The following ASL variants were observed in gnomAD, a reference collection of about 807,000 sequenced individuals.
The protein encoded by ASL is argininosuccinase.
In ASL, 51 loss-of-function variants were observed where a neutral mutation model predicts 69.1. The ratio of observed to expected loss-of-function variants is 0.74; its 90% CI spans 0.59 to 0.93. ASL has a LOEUF of 0.93. Among genes scored for constraint, ASL ranks in the 40% least tolerant of loss-of-function variants. The pLI, the probability that ASL is intolerant of heterozygous loss-of-function variation, is 0.00. For missense variants in ASL, 540 were observed against 623.9 expected, an observed-to-expected ratio of 0.87 and a Z score of 1.43; for synonymous variants, 241 against 247.6, an observed-to-expected ratio of 0.97 and a Z score of 0.25.
intron 14 of ASL, 42 bp downstream of exon 14, chr7:66,089,737 G>A (rs773523963): frequency 5.6e-6 from 9 of 1,600,042 alleles, no homozygotes; most frequent in Non-Finnish European, 7.7e-6. Flanking sequence ...TAGGTCCCAG[G>A]CACTGGGGTG....
Position 66,092,583 on chromosome 7 carries a change from C to A in ASL, c.1170C>A (p.Ala390=), listed in dbSNP as rs747116101. 8 of 1,611,662 alleles carry A rather than the reference C, an allele frequency of 5.0e-6. No individual in the cohort carries two copies. The South Asian group carries it at 8.8e-5, about 18-fold the overall frequency. ...TGCCATTCCGCCAGGCCCACGAGGC[C>A]TCCGGGAAAGCTGTGTTCATGGCCG... is the stretch of plus-strand genomic sequence containing the variant. ...KGMPFRQAHE[A]SGKAVFMAET... is the part of the protein sequence containing the mutation. The change falls in exon 16 of 17, where the codon GCC becomes GCA. Residue 390 remains alanine, a synonymous_variant. Coordinates refer to ENST00000304874, the MANE Select transcript of ASL (RefSeq NM_000048.4).
rs746354859 is a variant in ASL, at chr7:66,089,271, C to G, written c.919-5C>G. On this transcript the variant is annotated splice_polypyrimidine_tract_variant and splice_region_variant and intron_variant, in intron 12 of 16. Coordinates refer to ENST00000304874, the MANE Select transcript of ASL (RefSeq NM_000048.4). ...TCCAGCCCCTGTGCCTCCCTCTTCC[C>G]GCAGTGTGCCGGGCTCCTGATGACC... The G allele has an allele frequency of 9.9e-6, 16 of 1,610,460 alleles. No individual in the cohort carries two copies. In the South Asian group the frequency reaches 1.8e-4, roughly 18 times the overall value.
intron 2 of ASL, among the ~76,000 whole-genome samples, chr7:66,079,150 C>T (rs1786432808): frequency 6.6e-6 from 1 of 152,100 alleles, no homozygotes; most frequent in African/African-American, 2.4e-5. Flanking sequence ...ATCTCCTGAC[C>T]TCGTGATCTG....
At chr7:66,076,178 G>C in intron 2 of ASL, 85 bp downstream of exon 2, 1 of 1,523,856 alleles carries the variant, frequency 6.6e-7, no homozygotes. Flanking sequence ...CCACCCTGCT[G>C]GGAATCGCCC....
intron 6 of ASL, among the ~76,000 whole-genome samples, chr7:66,084,322 G>T (rs974737655): frequency 6.6e-6 from 1 of 151,692 alleles, no homozygotes; most frequent in African/African-American, 2.4e-5. Context: ...ACCATGTCCA[G>T]CTAATTTTTG....
At position 66,081,188 on chromosome 7, in the gene ASL, CA is replaced by C. The variant is rs544022304; in HGVS notation, c.13-614del. Among the ~76,000 whole-genome samples, 146 of 152,304 alleles carry C rather than the reference CA, an allele frequency of 9.6e-4. 1 individual carries two copies. Among genetic ancestry groups the C allele is most frequent in the African/African-American group, 3.0e-3 (126 of 41,570 alleles). ...TTAGGATGGCACCTAGCACCTTGGT[CA>C]GTGGTGGGAAAGGTTCCAGAAGTTC... is the stretch of plus-strand genomic sequence containing the variant. On this transcript the variant is annotated intron_variant, in intron 2 of 16. Coordinates refer to ENST00000304874, the MANE Select transcript of ASL (RefSeq NM_000048.4).
Position 66,081,911 on chromosome 7 carries a change from G to C in ASL, c.121G>C (p.Gly41Arg). 6.2e-7 allele frequency: 1 copy of C among 1,613,986 alleles called. No homozygotes were observed. The highest frequency in any genetic ancestry group is 8.5e-7 in the Non-Finnish European group (1 of 1,180,012). ...DRHLWEVDVQGSKAYSRGLEK... is the reference protein window; with the variant it reads ...DRHLWEVDVQRSKAYSRGLEK... ...GCACCTTTGGGAGGTGGATGTTCAA[G>C]GCAGCAAAGCCTACAGCAGGGGCCT... The change falls in exon 3 of 17, where the codon GGC (glycine) becomes CGC (arginine). Residue 41 changes from glycine to arginine, a missense_variant. Coordinates refer to ENST00000304874, the MANE Select transcript of ASL (RefSeq NM_000048.4).
Position 66,076,080 on chromosome 7 carries a change from A to C in ASL, c.-2A>C. On this transcript the variant is annotated 5_prime_UTR_variant, in exon 2 of 17. Coordinates refer to ENST00000304874, the MANE Select transcript of ASL (RefSeq NM_000048.4). ...CTTCCGGACGACGAGGAACCGCCCA[A>C]CATGGCCTCGGAGGTGAGTGGGACC... 1 of 1,600,452 alleles carries C rather than the reference A, an allele frequency of 6.2e-7. No individual in the cohort carries two copies. Among genetic ancestry groups the C allele is most frequent in the South Asian group, 1.1e-5 (1 of 88,506 alleles).
intron 14 of ASL, among the ~76,000 whole-genome samples, chr7:66,090,477 T>C (rs1454820489): frequency 6.6e-6 from 1 of 152,040 alleles, no homozygotes; most frequent in African/African-American, 2.4e-5. Context: ...TCTCCCTATG[T>C]TTCCCAGGCT....
chr7:66,088,683 C>A, intron 10 of ASL, 124 bp from the exon 11 acceptor site: 1 of 801,562 alleles, frequency 1.2e-6, no homozygotes, highest in Non-Finnish European at 2.1e-6. Flanking sequence ...ATAGCACGAC[C>A]CCATCTTTGC....
chr7:66,084,985 C>T (rs1406760476), intron 6 of ASL, among the ~76,000 whole-genome samples: 5 of 151,960 alleles, frequency 3.3e-5, no homozygotes, highest in African/African-American at 9.7e-5. Flanking sequence ...CTCAAACTCC[C>T]GGCCTTAAGT....
Position 66,081,815 on chromosome 7 carries a change from T to C in ASL, c.25T>C (p.Trp9Arg). The C allele has an allele frequency of 1.2e-6, 2 of 1,613,670 alleles. No homozygotes were observed. The highest frequency in any genetic ancestry group is 1.7e-6 in the Non-Finnish European group (2 of 1,179,872). Residue 9 changes from tryptophan to arginine, a missense_variant, in exon 3 of 17, where the codon TGG (tryptophan) becomes CGG (arginine). Transcript: ENST00000304874. ...CTCTCCTGGCCAGAGTGGGAAGCTT[T>C]GGGGTGGCCGGTTTGTGGGTGCAGT... MASESGKL[W>R]GGRFVGAVDP...
chr7:66,082,887 T>A lies in ASL; in HGVS notation c.299T>A (p.Ile100Asn), dbSNP rs202142867. 3 of 1,613,622 alleles carry A rather than the reference T, an allele frequency of 1.9e-6. No homozygotes were observed. The African/African-American group carries it at 4.0e-5, about 22-fold the overall frequency. ...TANERRLKEL[I>N]GATAGKLHTG... Reference sequence around the variant, plus strand: ...GTCTCCCTTCACCTCCAGGAGCTCATTGGTGCAACGGCAGGGAAGCTGCAC... The same window carrying A: ...GTCTCCCTTCACCTCCAGGAGCTCAATGGTGCAACGGCAGGGAAGCTGCAC... Residue 100 changes from isoleucine (I) to asparagine (N), a missense_variant, in exon 5 of 17, where the codon ATT (isoleucine) becomes AAT (asparagine). Ile to Asn is a moderately radical substitution (Grantham distance 149, BLOSUM62 -3). Transcript: ENST00000304874.
chr7:66,078,739 A>C (rs1786419172), intron 2 of ASL, among the ~76,000 whole-genome samples: 1 of 150,806 alleles, frequency 6.6e-6, no homozygotes, highest in Non-Finnish European at 1.5e-5. Flanking sequence ...GATTCAAGTG[A>C]TTCTCCTGCT....
chr7:66,088,705 A>G lies in ASL; in HGVS notation c.719-102A>G, dbSNP rs1032569864. 1.7e-5 allele frequency: 17 copies of G among 993,474 alleles called. No homozygotes were observed. In the African/African-American group the frequency reaches 2.7e-4, roughly 16 times the overall value. 61.5% of individuals were successfully genotyped at this position (993,474 alleles called of 1,614,324 possible). A position where few individuals can be genotyped will look rare whatever the true frequency, so the allele number is the denominator to read the frequency against. On this transcript the variant is annotated intron_variant, in intron 10 of 16. Transcript: ENST00000304874. ...GACCCCATCTTTGCGAAAAATGAAAATTTAGCCGGGTCCCCCCACCGCCTA... is the reference window on the plus strand; with the variant it reads ...GACCCCATCTTTGCGAAAAATGAAAGTTTAGCCGGGTCCCCCCACCGCCTA...
intron 2 of ASL, among the ~76,000 whole-genome samples, chr7:66,077,513 G>C (rs922283332): frequency 6.6e-6 from 1 of 152,154 alleles, no homozygotes; most frequent in Admixed American, 6.6e-5. Flanking sequence ...CAGATCACCT[G>C]AGGTCAGGAG....
chr7:66,091,938 G>T (rs931386371), intron 14 of ASL, 68 bp from the exon 15 acceptor site: 2 of 1,555,448 alleles, frequency 1.3e-6, no homozygotes, highest in African/African-American at 1.4e-5. Context: ...AGAGGGGCAG[G>T]TCCTGGGCCT....
At chr7:66,084,984 C>A (rs1383985012) in intron 6 of ASL, among the ~76,000 whole-genome samples, 1 of 151,922 alleles carries the variant, frequency 6.6e-6, no homozygotes, top group Non-Finnish European at 1.5e-5. Context: ...TCTCAAACTC[C>A]CGGCCTTAAG....
intron 8 of ASL, 72 bp from the exon 9 acceptor site, chr7:66,087,262 G>C (rs1786692999): frequency 7.5e-7 from 1 of 1,341,074 alleles, no homozygotes; most frequent in Non-Finnish European, 1.1e-6. Context: ...GTGTGTGTGT[G>C]TGTGTGTGTG....
Sources: gnomAD v4.1 joint callset for allele counts (sites outside exome capture counted in the v4.1 genomes callset) on GRCh38, gnomAD v4.1.1 for gene constraint, MANE v1.5 for transcripts, NCBI Gene and HGNC (gene_info 2026-07-23, HGNC 2026-07-21) for gene names.